Variants in F12 observed in about 807,000 individuals in gnomAD.
F12 encodes the protein Hageman factor.
A neutral mutation model predicts 74.8 loss-of-function variants in F12; 70 were observed. The observed-to-expected ratio is 0.94, with a 90% CI of 0.77 to 1.14. F12 has a LOEUF of 1.14. F12 is among the 50% of genes most tolerant of loss of function. The pLI is 0.00. For synonymous variants in F12, 373 were observed against 356.4 expected (o/e 1.05, Z -0.52); for missense variants, 811 against 835.7 (o/e 0.97, Z 0.36).
Position 177,404,009 on chromosome 5 carries a change from A to T in F12, c.1100T>A (p.Leu367Gln), listed in dbSNP as rs1561640720. ...LSCGQRLRKS[L>Q]SSMTRVVGGL... ...GCCAACGACGCGGGTCATCGAAGAC[A>T]GACTCTTGCGGAGCCGCTGCCCGCA... The change falls in exon 10 of 14, where the codon CTG becomes CAG. Residue 367 changes from leucine (L) to glutamine (Q), a missense_variant. Physicochemically the swap from Leu to Gln is moderately radical, Grantham distance 113. Coordinates refer to ENST00000253496, the MANE Select transcript of F12 (RefSeq NM_000505.4). The T allele has an allele frequency of 1.2e-6, 2 of 1,602,508 alleles. No homozygotes were observed. Among genetic ancestry groups the T allele is most frequent in the Non-Finnish European group, 1.7e-6 (2 of 1,179,680 alleles).
intron 12 of F12, among the ~76,000 whole-genome samples, 198 bp downstream of exon 12, chr5:177,403,053 CAGG>C (rs1763179722): frequency 6.6e-6 from 1 of 152,138 alleles, no homozygotes; most frequent in South Asian, 2.1e-4. Context: ...CCTGTATCCC[CAGG>C]AGATTTGGGG....
chr5:177,406,320 CT>C (rs1763293120), intron 2 of F12, among the ~76,000 whole-genome samples: 1 of 152,138 alleles, frequency 6.6e-6, no homozygotes, highest in Admixed American at 6.6e-5. Context: ...AACCCCCTCT[CT>C]ACTAAAAATA....
At position 177,405,185 on chromosome 5, in the gene F12, T is replaced by G. The variant is rs778016878; in HGVS notation, c.398A>C (p.Glu133Ala). Residue 133 changes from glutamate (E) to alanine (A), a missense_variant and splice_region_variant, in exon 6 of 14, where the codon GAG (glutamate) becomes GCG (alanine). Glu to Ala is a moderately radical substitution (Grantham distance 107). Transcript: ENST00000253496. ...GAGAAGCTGAGGCTCAAAGCACTTC[T>G]CTGGGGACAAAGAGGGATAGTGGTC... ...QHLTGNHCQK[E>A]KCFEPQLLRF... 2 of 1,613,952 alleles carry G rather than the reference T, an allele frequency of 1.2e-6. No homozygotes were observed. Among genetic ancestry groups the G allele is most frequent in the South Asian group, 1.1e-5 (1 of 91,090 alleles).
chr5:177,409,016 G>A, intron 2 of F12, 30 bp downstream of exon 2: 1 of 1,549,412 alleles, frequency 6.5e-7, no homozygotes, highest in Non-Finnish European at 8.7e-7. Flanking sequence ...CCACCCAAGG[G>A]TTCCCGGGAG....
chr5:177,408,112 A>G (rs1391012285), intron 2 of F12, among the ~76,000 whole-genome samples: 1 of 151,478 alleles, frequency 6.6e-6, no homozygotes, highest in Non-Finnish European at 1.5e-5. Context: ...CTGGAGTGCA[A>G]TGGTGTGATC....
At chr5:177,409,323 G>A in intron 1 of F12, 148 bp downstream of exon 1, 1 of 1,037,378 alleles carries the variant, frequency 9.6e-7, no homozygotes, top group East Asian at 2.6e-5. Context: ...TGTCTCCTCT[G>A]CCTGGGCCTT....
At chr5:177,403,455 C>G in intron 11 of F12, 26 bp downstream of exon 11, 2 of 1,559,904 alleles carry the variant, frequency 1.3e-6, no homozygotes, top group South Asian at 1.1e-5. Context: ...GCTCTCTTCC[C>G]GTCCCCGCGG....
chr5:177,409,513 C>T lies in F12; in HGVS notation c.15G>A (p.Leu5=). 1.2e-6 allele frequency: 2 copies of T among 1,614,138 alleles called. No individual in the cohort carries two copies. Among genetic ancestry groups the T allele is most frequent in the Non-Finnish European group, 1.7e-6 (2 of 1,180,024 alleles). ...AGCTCACCAGCAGGAACCCCAGGAGCAGCAGAGCCCTCATGGCATCCGTCC... is the reference window on the plus strand; with the variant it reads ...AGCTCACCAGCAGGAACCCCAGGAGTAGCAGAGCCCTCATGGCATCCGTCC... MRAL[L]LLGFLLVSLE... The change falls in exon 1 of 14, where the codon CTG becomes CTA. Residue 5 remains leucine, a synonymous_variant. Coordinates refer to ENST00000253496, the MANE Select transcript of F12 (RefSeq NM_000505.4).
At chr5:177,407,875 G>A (rs1175041139) in intron 2 of F12, among the ~76,000 whole-genome samples, 4 of 151,956 alleles carry the variant, frequency 2.6e-5, no homozygotes, top group Non-Finnish European at 5.9e-5. Flanking sequence ...ACCAAGTTTG[G>A]GTAAGGCAAG....
At chr5:177,403,233 G>A in intron 12 of F12, 21 bp downstream of exon 12, 1 of 1,599,956 alleles carries the variant, frequency 6.3e-7, no homozygotes, top group Non-Finnish European at 8.5e-7. Flanking sequence ...CCCTACCCCT[G>A]CCCCTAGCAG....
rs1431673523 is a variant in F12 at position 177,406,013 on chromosome 5, C to T, written c.164G>A (p.Arg55Gln). The T allele has an allele frequency of 5.6e-6, 9 of 1,613,930 alleles. No individual in the cohort carries two copies. The East Asian group carries it at 6.7e-5, about 12-fold the overall frequency. Residue 55 changes from arginine to glutamine, a missense_variant, in exon 3 of 14, where the codon CGG becomes CAG. Physicochemically the swap from Arg to Gln is conservative, Grantham distance 43 (BLOSUM62 1). Transcript: ENST00000253496. ...EPCHFPFQYH[R>Q]QLYHKCTHKG... ...GTGGGTACATTTGTGGTACAGCTGC[C>T]GGTGGTACTGGAAGGGGAAGTGGCA...
chr5:177,403,225 C>T (rs1356888882), intron 12 of F12, 29 bp downstream of exon 12: 2 of 1,599,692 alleles, frequency 1.3e-6, no homozygotes, highest in Non-Finnish European at 8.5e-7. Flanking sequence ...GTCTCCTCCC[C>T]TACCCCTGCC....
At chr5:177,407,218 G>A (rs1235306529) in intron 2 of F12, among the ~76,000 whole-genome samples, 1 of 152,162 alleles carries the variant, frequency 6.6e-6, no homozygotes, top group Non-Finnish European at 1.5e-5. Flanking sequence ...GTGACCAGAG[G>A]CTCACAGGAA....
chr5:177,406,801 G>C (rs1014049132), intron 2 of F12, among the ~76,000 whole-genome samples: 1 of 152,188 alleles, frequency 6.6e-6, no homozygotes. Context: ...GTCAATACTT[G>C]AAATGTTTTC....
At chr5:177,404,685 C>G (rs560522057) in intron 7 of F12, 21 bp from the exon 8 acceptor site, 1 of 1,606,882 alleles carries the variant, frequency 6.2e-7, no homozygotes, top group Admixed American at 1.7e-5. Flanking sequence ...AGGGGGCTCC[C>G]TGGGCAGCCA....
intron 7 of F12, 48 bp downstream of exon 7, chr5:177,404,762 C>T (rs754599933): frequency 1.9e-6 from 3 of 1,588,678 alleles, no homozygotes; most frequent in South Asian, 2.3e-5. Context: ...CTGGCAAGCC[C>T]GTCCCACCTG....
At position 177,403,525 on chromosome 5, in the gene F12, C is replaced by T. The variant is rs1483262492; in HGVS notation, c.1343G>A (p.Arg448His). 1.9e-6 allele frequency: 3 copies of T among 1,586,612 alleles called. No homozygotes were observed. The highest frequency in any genetic ancestry group is 1.3e-5 in the African/African-American group (1 of 74,476). Residue 448 changes from arginine (R) to histidine (H), a missense_variant, in exon 11 of 14, where the codon CGC (arginine) becomes CAC (histidine). Arg to His is a conservative substitution (Grantham distance 29). Coordinates refer to ENST00000253496, the MANE Select transcript of F12 (RefSeq NM_000505.4). Reference protein sequence around the residue: ...PCQTLAVRSYRLHEAFSPVSY... With the variant: ...PCQTLAVRSYHLHEAFSPVSY... ...GACGGGCGAGAAGGCCTCGTGCAAG[C>T]GGTAGGAGCGCACGGCCAACGTCTG...
At position 177,405,980 on chromosome 5, in the gene F12, C is replaced by T. The variant is rs762421946; in HGVS notation, c.197G>A (p.Arg66Gln). 1.2e-5 allele frequency: 19 copies of T among 1,613,998 alleles called. No homozygotes were observed. The highest frequency in any genetic ancestry group is 3.3e-5 in the Admixed American group (2 of 60,012). Residue 66 changes from arginine (R) to glutamine (Q), a missense_variant, in exon 3 of 14, where the codon CGG becomes CAG. Arg to Gln is a conservative substitution (Grantham distance 43). Coordinates refer to ENST00000253496, the MANE Select transcript of F12 (RefSeq NM_000505.4). ...GTCTTACCAGGGCTGAGGGCCTGGCCGGCCCTTGTGGGTACATTTGTGGTA... is the reference window on the plus strand; with the variant it reads ...GTCTTACCAGGGCTGAGGGCCTGGCTGGCCCTTGTGGGTACATTTGTGGTA... The part of the protein sequence containing the change: ...QLYHKCTHKG[R>Q]PGPQPWCATT...
rs1023391513 is a variant in F12 at position 177,405,263 on chromosome 5, G to A, written c.397+60C>T. On this transcript the variant is annotated intron_variant, in intron 5 of 13. Transcript: ENST00000253496. ...CTCCGAGTATCCAGCAACCTATTCT[G>A]TAGGCCCAGGGTTGCCCCTGTCCCC... The A allele has an allele frequency of 7.4e-6, 12 of 1,613,370 alleles. 1 individual carries two copies. In the South Asian group the frequency reaches 1.3e-4, roughly 18 times the overall value.
Sources: gnomAD v4.1 joint callset for allele counts (sites outside exome capture counted in the v4.1 genomes callset) on GRCh38, gnomAD v4.1.1 for gene constraint, MANE v1.5 for transcripts, NCBI Gene and HGNC (gene_info 2026-07-23, HGNC 2026-07-21) for gene names.